Variants in ETV1 observed in about 807,000 individuals in gnomAD.
ETV1 encodes ETS translocation variant 1.
ETV1 carries 27 observed loss-of-function variants against 62.3 expected under a neutral mutation model. The observed-to-expected ratio is 0.43, with a 90% CI of 0.32 to 0.60. The LOEUF is 0.60. ETV1 is among the 20% of genes least tolerant of loss of function. The pLI is 0.06. For missense variants in ETV1, 605 were observed against 605.8 expected (o/e 1.00, Z 0.01); for synonymous variants, 222 against 199.6 (o/e 1.11, Z -0.94).
intron 5 of ETV1, among the ~76,000 whole-genome samples, chr7:13,979,521 C>A (rs758069113): frequency 1.3e-5 from 2 of 151,956 alleles, no homozygotes; most frequent in African/African-American, 2.4e-5. Flanking sequence ...TCAAGTAAGT[C>A]TTCATATCAA....
At chr7:13,968,101 T>G (rs1017868169) in intron 6 of ETV1, among the ~76,000 whole-genome samples, 1 of 152,036 alleles carries the variant, frequency 6.6e-6, no homozygotes. Context: ...TAATATGAGG[T>G]CAAGTTCAAC....
chr7:13,941,430 T>A (rs986114878), intron 6 of ETV1, among the ~76,000 whole-genome samples: 3 of 152,244 alleles, frequency 2.0e-5, no homozygotes, highest in Admixed American at 1.3e-4. Context: ...AAGTGATGAA[T>A]AAGACTAGAA....
chr7:13,951,776 C>T (rs1788840395), intron 6 of ETV1, among the ~76,000 whole-genome samples: 1 of 152,012 alleles, frequency 6.6e-6, no homozygotes, highest in South Asian at 2.1e-4. Flanking sequence ...AGTCACAAAC[C>T]CCACAGAACT....
At chr7:13,985,821 A>G (rs1385632743) in intron 5 of ETV1, among the ~76,000 whole-genome samples, 1 of 152,216 alleles carries the variant, frequency 6.6e-6, no homozygotes, top group Non-Finnish European at 1.5e-5. Flanking sequence ...AACATTAGGC[A>G]TTTTTGAAGT....
intron 6 of ETV1, among the ~76,000 whole-genome samples, chr7:13,942,179 A>G (rs898660756): frequency 2.0e-5 from 3 of 151,398 alleles, no homozygotes; most frequent in Non-Finnish European, 2.9e-5. Context: ...GCCCGCCACC[A>G]CGCCCGGCTA....
intron 6 of ETV1, chr7:13,958,843 G>A (rs775894597): frequency 2.0e-5 from 3 of 152,166 alleles, no homozygotes; most frequent in Non-Finnish European, 4.4e-5. Flanking sequence ...AAAGTGTTTA[G>A]AAGAGGAACT....
rs569273052 is a variant in ETV1 at position 13,910,021 on chromosome 7, G to A, written c.872-321C>T. On this transcript the variant is annotated intron_variant, in intron 10 of 13. Coordinates refer to ENST00000430479, the MANE Select transcript of ETV1 (RefSeq NM_004956.5). ...CTAAACATTGGCAAGGATTTATAACGTATCGTCTCCTTTTTTAGATTCATC... is the reference window on the plus strand; with the variant it reads ...CTAAACATTGGCAAGGATTTATAACATATCGTCTCCTTTTTTAGATTCATC... 6.6e-5 allele frequency among the ~76,000 whole-genome samples: 10 copies of A among 152,118 alleles called. No homozygotes were observed. In the East Asian group the frequency reaches 1.9e-3, roughly 29 times the overall value.
chr7:13,957,796 A>G (rs1583794182), intron 6 of ETV1, among the ~76,000 whole-genome samples: 1 of 152,198 alleles, frequency 6.6e-6, no homozygotes, highest in African/African-American at 2.4e-5. Flanking sequence ...GTTCCAAAAA[A>G]CTAGAAAAGT....
At chr7:13,922,618 A>G (rs60796775) in intron 9 of ETV1, among the ~76,000 whole-genome samples, 2,361 of 152,320 alleles carry the variant, frequency 0.016, 58 homozygotes, top group African/African-American at 0.052. Context: ...AGACACACAC[A>G]CATAGAATGT....
intron 6 of ETV1, among the ~76,000 whole-genome samples, chr7:13,953,860 C>A (rs560150017): frequency 6.6e-6 from 1 of 152,072 alleles, no homozygotes; most frequent in Non-Finnish European, 1.5e-5. Context: ...AAAAAGAAAG[C>A]AGATCATAAA....
At chr7:13,927,206 T>C (rs1583659674) in intron 9 of ETV1, among the ~76,000 whole-genome samples, 1 of 152,172 alleles carries the variant, frequency 6.6e-6, no homozygotes, top group South Asian at 2.1e-4. Flanking sequence ...CCCAGCACTT[T>C]GGGAGGCTGA....
intron 13 of ETV1, among the ~76,000 whole-genome samples, chr7:13,897,345 T>C (rs1372842568): frequency 1.3e-5 from 2 of 152,212 alleles, no homozygotes; most frequent in Non-Finnish European, 2.9e-5. Flanking sequence ...AAAGTATTGT[T>C]ATATCTTTGA....
chr7:13,915,363 G>A (rs1285246351), intron 9 of ETV1, among the ~76,000 whole-genome samples: 2 of 152,160 alleles, frequency 1.3e-5, no homozygotes, highest in Admixed American at 6.5e-5. Context: ...TGCATACCTA[G>A]GAGTTTCAAC....
At chr7:13,937,934 G>C (rs189701487) in intron 7 of ETV1, among the ~76,000 whole-genome samples, 1 of 152,078 alleles carries the variant, frequency 6.6e-6, no homozygotes, top group African/African-American at 2.4e-5. Flanking sequence ...TGCCATAATG[G>C]CACAAGTCTA....
chr7:13,960,681 A>T (rs1790066066), intron 6 of ETV1, among the ~76,000 whole-genome samples: 1 of 152,092 alleles, frequency 6.6e-6, no homozygotes, highest in South Asian at 2.1e-4. Context: ...GCTTATAGCT[A>T]CTTTAAGATT....
chr7:13,897,085 A>G (rs946523252), intron 13 of ETV1, among the ~76,000 whole-genome samples: 20 of 151,986 alleles, frequency 1.3e-4, no homozygotes, highest in African/African-American at 3.9e-4. Context: ...AAAATTATAA[A>G]CAACTGAGTG....
chr7:13,935,685 G>C, intron 8 of ETV1, 23 bp downstream of exon 8: 1 of 1,600,076 alleles, frequency 6.2e-7, no homozygotes, highest in Non-Finnish European at 8.6e-7. Context: ...ACAGTTTCTA[G>C]AAAACTGGTA....
chr7:13,928,915 A>G (rs1297191280), intron 9 of ETV1, among the ~76,000 whole-genome samples: 1 of 151,630 alleles, frequency 6.6e-6, no homozygotes, highest in East Asian at 2.0e-4. Context: ...CTGAGAATAC[A>G]CCACTGCACT....
intron 6 of ETV1, among the ~76,000 whole-genome samples, chr7:13,962,226 TACTC>T (rs1790263783): frequency 6.6e-6 from 1 of 151,372 alleles, no homozygotes; most frequent in African/African-American, 2.4e-5. Context: ...TATATATAAA[TACTC>T]ATTTAGTCAC....
Sources: allele counts gnomAD v4.1 joint callset (sites outside exome capture counted in the v4.1 genomes callset), GRCh38; gene constraint gnomAD v4.1.1; transcripts MANE v1.5; gene names NCBI Gene and HGNC (gene_info 2026-07-23, HGNC 2026-07-21).